The following TAMM41 variants were observed in gnomAD, a reference collection of about 807,000 sequenced individuals.
The protein encoded by TAMM41 is phosphatidate cytidylyltransferase, mitochondrial.
TAMM41 carries 36 observed loss-of-function variants against 44.1 expected under a neutral mutation model. The observed-to-expected ratio is 0.82, with a 90% CI of 0.63 to 1.08. TAMM41 has a LOEUF of 1.08. Among genes scored for constraint, TAMM41 ranks in the 50% least tolerant of loss-of-function variants. TAMM41 has a pLI of 0.00. For synonymous variants in TAMM41, 164 were observed against 153.1 expected (o/e 1.07, Z -0.53); for missense variants, 417 against 404.3 (o/e 1.03, Z -0.27).
rs2078908872 is a variant in TAMM41 at position 11,829,806 on chromosome 3, A to G, written c.470T>C (p.Leu157Pro). 6.2e-7 allele frequency: 1 copy of G among 1,614,202 alleles called. No homozygotes were observed. Among genetic ancestry groups the G allele is most frequent in the Non-Finnish European group, 8.5e-7 (1 of 1,180,008 alleles). ...VTLRSALDRN[L>P]KSAVTAAFLM... ...GAAAGCAGCGGTCACAGCACTCTTC[A>G]GATTTCTATCGAGGGCTGATCTAAG... Residue 157 changes from leucine (L) to proline (P), a missense_variant, in exon 4 of 8, where the codon CTG becomes CCG. Leu to Pro is a moderately conservative substitution (Grantham distance 98). Transcript: ENST00000455809.
chr3:11,831,940 G>A lies in TAMM41; in HGVS notation c.412-2076C>T, dbSNP rs530331824. Among the ~76,000 whole-genome samples, 4 of 152,276 alleles carry A rather than the reference G, an allele frequency of 2.6e-5. No individual in the cohort carries two copies. The South Asian group carries it at 8.3e-4, about 32-fold the overall frequency. On this transcript the variant is annotated intron_variant, in intron 3 of 7. Coordinates refer to ENST00000455809, the MANE Select transcript of TAMM41 (RefSeq NM_001284401.2). ...ATTAAGCCTTTCAGCACTTAGGTGA[G>A]TTTAGTATTACTGCAATCATCTGCA...
At chr3:11,761,637 G>A in the TAMM41 span, among the ~76,000 whole-genome samples, 1 of 152,084 alleles carries the variant, frequency 6.6e-6, no homozygotes, top group East Asian at 1.9e-4. Flanking sequence ...ACGTGCATGT[G>A]CGTATTTGAA....
chr3:11,800,043 T>C (rs1263261532), intron 7 of TAMM41, among the ~76,000 whole-genome samples: 6 of 152,104 alleles, frequency 3.9e-5, no homozygotes, highest in African/African-American at 1.2e-4. Flanking sequence ...CAAATACTAA[T>C]GGAATCTGTC....
the TAMM41 span, among the ~76,000 whole-genome samples, chr3:11,739,317 T>A: frequency 6.6e-6 from 1 of 152,152 alleles, no homozygotes; most frequent in Non-Finnish European, 1.5e-5. Flanking sequence ...CACTCTCCCC[T>A]TGCCCTAATC....
chr3:11,802,527 T>C (rs1176443006), intron 7 of TAMM41, among the ~76,000 whole-genome samples: 1 of 152,130 alleles, frequency 6.6e-6, no homozygotes, highest in Admixed American at 6.6e-5. Context: ...AAAAGATCAG[T>C]AATGTAGTAG....
At chr3:11,834,345 A>T (rs114747388) in intron 3 of TAMM41, among the ~76,000 whole-genome samples, 3,332 of 152,340 alleles carry the variant, frequency 0.022, 120 homozygotes, top group African/African-American at 0.075. Flanking sequence ...AAACCACTGC[A>T]TGTCAATATA....
chr3:11,767,626 A>ATTTGTTTTTTTTTTTTTTTTTTTTTTT, the TAMM41 span, among the ~76,000 whole-genome samples: 1 of 60,692 alleles, frequency 1.6e-5, no homozygotes, highest in Non-Finnish European at 3.1e-5. Context: ...CACGTTGTGC[A>ATTTGTTTTTTTTTTTTTTTTTTTTTTT]TTTTTTTTTT....
At chr3:11,728,211 A>G in the TAMM41 span, among the ~76,000 whole-genome samples, 1 of 152,240 alleles carries the variant, frequency 6.6e-6, no homozygotes, top group Non-Finnish European at 1.5e-5. Context: ...TGAAGAAGCT[A>G]AATAAGCAGC....
the TAMM41 span, among the ~76,000 whole-genome samples, chr3:11,776,325 A>AT: frequency 0.35 from 53,380 of 150,528 alleles, 11,068 homozygotes; most frequent in Middle Eastern, 0.48. Context: ...GCCATTTAAA[A>AT]TTTTTTTTTT....
In TAMM41 at chr3:11,814,501, C is replaced by CGA. The variant is rs143168450; in HGVS notation, c.708+2689_708+2690dup. ...AAGCTAAATTTAATAAACGAAGAGA[C>CGA]GAGAGAGAGAGAGAGAGAGAAAGGA... On this transcript the variant is annotated intron_variant, in intron 5 of 7. Coordinates refer to ENST00000455809, the MANE Select transcript of TAMM41 (RefSeq NM_001284401.2). Among the ~76,000 whole-genome samples, 207 of 145,588 alleles carry CGA rather than the reference C, an allele frequency of 1.4e-3. 1 individual carries two copies. The highest frequency in any genetic ancestry group is 7.6e-3 in the South Asian group (35 of 4,602).
the TAMM41 span, among the ~76,000 whole-genome samples, chr3:11,763,397 C>G: frequency 6.6e-6 from 1 of 152,204 alleles, no homozygotes; most frequent in East Asian, 1.9e-4. Flanking sequence ...CCACCTTGGC[C>G]TCCCAAAGTG....
At chr3:11,739,571 C>T in the TAMM41 span, among the ~76,000 whole-genome samples, 1 of 147,072 alleles carries the variant, frequency 6.8e-6, no homozygotes, top group Non-Finnish European at 1.5e-5. Flanking sequence ...ACTCGGGTGG[C>T]CGAGGAGGGA....
chr3:11,782,256 A>T, the TAMM41 span, among the ~76,000 whole-genome samples: 9 of 152,154 alleles, frequency 5.9e-5, no homozygotes, highest in East Asian at 7.7e-4. Flanking sequence ...ATTTTTTTTT[A>T]AAAGTTGGGC....
the TAMM41 span, among the ~76,000 whole-genome samples, chr3:11,780,290 C>T: frequency 1.3e-5 from 2 of 152,212 alleles, no homozygotes; most frequent in Non-Finnish European, 2.9e-5. Flanking sequence ...TCATCTTGAA[C>T]TAACTTTAGT....
At chr3:11,727,552 C>A in the TAMM41 span, among the ~76,000 whole-genome samples, 1 of 152,224 alleles carries the variant, frequency 6.6e-6, no homozygotes, top group South Asian at 2.1e-4. Context: ...GCAGCCTCCA[C>A]CGCCAGGGCT....
chr3:11,784,449 C>T, the TAMM41 span, among the ~76,000 whole-genome samples: 123 of 152,216 alleles, frequency 8.1e-4, 1 homozygote, highest in South Asian at 6.2e-3. Flanking sequence ...GAGCCAAGAT[C>T]GTGCCACTGC....
intron 7 of TAMM41, among the ~76,000 whole-genome samples, chr3:11,802,021 C>T (rs2077770267): frequency 6.6e-6 from 1 of 152,036 alleles, no homozygotes; most frequent in Non-Finnish European, 1.5e-5. Flanking sequence ...GAGTTCAAGA[C>T]CAGCCAGGGC....
the TAMM41 span, among the ~76,000 whole-genome samples, chr3:11,777,837 T>C: frequency 1.3e-5 from 2 of 151,814 alleles, no homozygotes; most frequent in Non-Finnish European, 2.9e-5. Context: ...ATTTATAGAG[T>C]TGTACCGCCA....
At position 11,824,960 on chromosome 3, in the gene TAMM41, C is replaced by A. The variant is rs569517342; in HGVS notation, c.562+4754G>T. Among the ~76,000 whole-genome samples, 30 of 152,232 alleles carry A rather than the reference C, an allele frequency of 2.0e-4. No homozygotes were observed. The South Asian group carries it at 3.5e-3, about 18-fold the overall frequency. The stretch of plus-strand genomic sequence containing the variant: ...CATGATAAGCCAGAACTGAGGCCCA[C>A]TGGGGTGGGTGTGGGGAGGGGAGGT... On this transcript the variant is annotated intron_variant, in intron 4 of 7. Coordinates refer to ENST00000455809, the MANE Select transcript of TAMM41 (RefSeq NM_001284401.2).
Sources: allele counts gnomAD v4.1 joint callset (sites outside exome capture counted in the v4.1 genomes callset), GRCh38; gene constraint gnomAD v4.1.1; transcripts MANE v1.5; gene names NCBI Gene and HGNC (gene_info 2026-07-23, HGNC 2026-07-21).